The following SOX5 variants were observed in gnomAD, a reference collection of about 807,000 sequenced individuals.
SOX5 encodes transcription factor SOX-5.
In SOX5, 9 loss-of-function variants were observed where a neutral mutation model predicts 92.0. The observed-to-expected ratio is 0.10, with a 90% CI of 0.06 to 0.17. SOX5 has a LOEUF of 0.17. Ranked by LOEUF, SOX5 falls within the 10% of genes least tolerant of loss-of-function variation. The pLI is 1.00. For synonymous variants in SOX5, 344 were observed against 336.3 expected (o/e 1.02, Z -0.25); for missense variants, 642 against 944.5 (o/e 0.68, Z 4.20).
At chr12:23,537,868 G>T (rs759188770) in intron 13 of SOX5, among the ~76,000 whole-genome samples, 1 of 152,100 alleles carries the variant, frequency 6.6e-6, no homozygotes, top group Admixed American at 6.5e-5. Flanking sequence ...CTCAAAGGCG[G>T]TGTGTCCGGA....
At chr12:24,360,548 G>A (rs1316384316) in intron 2 of SOX5, among the ~76,000 whole-genome samples, 1 of 152,160 alleles carries the variant, frequency 6.6e-6, no homozygotes, top group Non-Finnish European at 1.5e-5. Context: ...AGGAGAGCTA[G>A]AACTAAAAAA....
chr12:23,796,891 A>T (rs1191705397), intron 3 of SOX5, among the ~76,000 whole-genome samples: 2 of 131,366 alleles, frequency 1.5e-5, no homozygotes, highest in African/African-American at 2.8e-5. Flanking sequence ...ATATATATAA[A>T]TATTTATATA....
At chr12:23,590,124 G>A (rs907296881) in intron 9 of SOX5, among the ~76,000 whole-genome samples, 6 of 151,908 alleles carry the variant, frequency 3.9e-5, no homozygotes, top group African/African-American at 1.4e-4. Context: ...AATGAACAGG[G>A]CAGAAGCAAC....
At chr12:24,404,742 C>A (rs770707231) in intron 1 of SOX5, among the ~76,000 whole-genome samples, 2 of 152,124 alleles carry the variant, frequency 1.3e-5, no homozygotes, top group African/African-American at 4.8e-5. Flanking sequence ...GAAGTAATTG[C>A]GCTCCTCTGA....
chr12:24,375,741 A>AT (rs1304428565), intron 1 of SOX5, among the ~76,000 whole-genome samples: 1 of 151,492 alleles, frequency 6.6e-6, no homozygotes, highest in Admixed American at 6.6e-5. Flanking sequence ...TGTCTCAAAA[A>AT]AAAAAAAAAA....
rs1306953093 is a variant in SOX5, at chr12:24,308,044, T to A, written c.-173-30732A>T. 2.0e-5 allele frequency among the ~76,000 whole-genome samples: 3 copies of A among 150,402 alleles called. No individual in the cohort carries two copies. In the East Asian group the frequency reaches 5.8e-4, roughly 29 times the overall value. On this transcript the variant is annotated intron_variant, in intron 2 of 4. Coordinates refer to the SOX5 transcript ENST00000446891. Reference sequence around the variant, plus strand: ...CCAGTAGAAAAAAAAAAACAGAAGCTGGTGATAAGCAGCTTCCCGATAAGA... The same window carrying A: ...CCAGTAGAAAAAAAAAAACAGAAGCAGGTGATAAGCAGCTTCCCGATAAGA...
chr12:24,029,284 T>C (rs930756557), intron 4 of SOX5, among the ~76,000 whole-genome samples: 2 of 151,962 alleles, frequency 1.3e-5, no homozygotes, highest in African/African-American at 2.4e-5. Context: ...ATTTATTACT[T>C]ATTTATTAGA....
At position 23,884,685 on chromosome 12, in the gene SOX5, G is replaced by A. The variant is rs141435704; in HGVS notation, c.270+11108C>T. 9.0e-3 allele frequency among the ~76,000 whole-genome samples: 1,362 copies of A among 152,176 alleles called. 10 individuals carry two copies. Among genetic ancestry groups the A allele is most frequent in the Middle Eastern group, 0.027 (8 of 294 alleles). On this transcript the variant is annotated intron_variant, in intron 2 of 14. Coordinates refer to ENST00000451604, the MANE Select transcript of SOX5 (RefSeq NM_006940.6). ...CTGAGCAGAATTATTAAGTGCTTGGGTTCTAAAACCATGAACCCAAACTGT... is the reference window on the plus strand; with the variant it reads ...CTGAGCAGAATTATTAAGTGCTTGGATTCTAAAACCATGAACCCAAACTGT...
chr12:23,997,788 T>G (rs1951180283), intron 4 of SOX5, among the ~76,000 whole-genome samples: 1 of 152,122 alleles, frequency 6.6e-6, no homozygotes, highest in South Asian at 2.1e-4. Context: ...GAGGAAACCC[T>G]AGGAAGACAG....
At chr12:24,013,448 A>G (rs1953201008) in intron 4 of SOX5, among the ~76,000 whole-genome samples, 1 of 152,228 alleles carries the variant, frequency 6.6e-6, no homozygotes, top group South Asian at 2.1e-4. Context: ...GTTTATTTAA[A>G]AAGAGAATTT....
At chr12:24,249,752 C>T (rs1939647672) in intron 3 of SOX5, among the ~76,000 whole-genome samples, 2 of 152,156 alleles carry the variant, frequency 1.3e-5, no homozygotes, top group Non-Finnish European at 1.5e-5. Flanking sequence ...ACAGATCATC[C>T]CACAGACAGT....
intron 2 of SOX5, among the ~76,000 whole-genome samples, chr12:24,358,195 A>G (rs556778583): frequency 1.3e-5 from 2 of 152,332 alleles, no homozygotes; most frequent in South Asian, 4.1e-4. Context: ...AATAAAACAG[A>G]TGGGAGGTTT....
intron 4 of SOX5, among the ~76,000 whole-genome samples, chr12:24,109,845 C>G (rs578096793): frequency 6.6e-6 from 1 of 152,170 alleles, no homozygotes; most frequent in Non-Finnish European, 1.5e-5. Context: ...ACTAAGCCTA[C>G]AGTCCATGTC....
At chr12:24,321,752 T>A (rs1424148389) in intron 2 of SOX5, among the ~76,000 whole-genome samples, 1 of 152,198 alleles carries the variant, frequency 6.6e-6, no homozygotes, top group African/African-American at 2.4e-5. Flanking sequence ...AGAATATTCA[T>A]CGAGTACCTA....
intron 6 of SOX5, among the ~76,000 whole-genome samples, chr12:23,695,670 A>G (rs1243653456): frequency 3.3e-5 from 5 of 152,140 alleles, no homozygotes; most frequent in African/African-American, 1.2e-4. Context: ...GGCCGGGCGC[A>G]GTGGCTCACG....
chr12:23,903,794 G>A (rs184076930), intron 1 of SOX5, among the ~76,000 whole-genome samples: 239 of 152,260 alleles, frequency 1.6e-3, no homozygotes, highest in Non-Finnish European at 3.0e-3. Flanking sequence ...TAAGGTTGTT[G>A]TGAAAAGGCT....
At chr12:24,368,429 A>G (rs1010679373) in intron 2 of SOX5, 2 of 152,242 alleles carry the variant, frequency 1.3e-5, no homozygotes, top group African/African-American at 4.8e-5. Flanking sequence ...TGGCATTAGT[A>G]CATTCGGTAA....
At chr12:23,887,412 T>C (rs1293329952) in intron 2 of SOX5, among the ~76,000 whole-genome samples, 1 of 152,192 alleles carries the variant, frequency 6.6e-6, no homozygotes, top group Non-Finnish European at 1.5e-5. Context: ...CAAAATTATA[T>C]AATAAAGTGC....
chr12:23,908,925 C>A (rs192576226), intron 1 of SOX5, among the ~76,000 whole-genome samples: 3 of 152,174 alleles, frequency 2.0e-5, no homozygotes, highest in Non-Finnish European at 4.4e-5. Context: ...TGTTTATCTT[C>A]TTTCCCCATT....
Sources: gnomAD v4.1 joint callset for allele counts (sites outside exome capture counted in the v4.1 genomes callset) on GRCh38, gnomAD v4.1.1 for gene constraint, MANE v1.5 for transcripts, NCBI Gene and HGNC (gene_info 2026-07-23, HGNC 2026-07-21) for gene names.